Variants in LOXL2 observed in about 807,000 individuals in gnomAD.
The protein encoded by LOXL2 is lysyl oxidase homolog 2.
Under a neutral mutation model 93.0 loss-of-function variants are expected in LOXL2, and 70 were observed. The observed-to-expected ratio is 0.75, with a 90% CI of 0.62 to 0.92. The LOEUF (loss-of-function observed/expected upper bound fraction) is 0.92, where lower values mean the gene tolerates loss of function less well. Ranked by LOEUF, LOXL2 falls within the 40% of genes least tolerant of loss-of-function variation. LOXL2 has a pLI of 0.00. For missense variants in LOXL2, 973 were observed against 1,054.9 expected (o/e 0.92, Z 1.08); for synonymous variants, 438 against 413.2 (o/e 1.06, Z -0.73).
intron 1 of LOXL2, chr8:23,402,547 G>A (rs1800165695): frequency 6.6e-6 from 1 of 152,174 alleles, no homozygotes; most frequent in African/African-American, 2.4e-5. Flanking sequence ...AACTGACCAG[G>A]GAAATGAACT....
intron 1 of LOXL2, among the ~76,000 whole-genome samples, chr8:23,397,557 T>A (rs1368352980): frequency 1.3e-5 from 2 of 152,008 alleles, no homozygotes; most frequent in Non-Finnish European, 2.9e-5. Context: ...GGCGGGTGGA[T>A]CACGAGGTCA....
chr8:23,328,709 A>ATGTATGTG, intron 5 of LOXL2, 144 bp from the exon 6 acceptor site: 2 of 458,992 alleles, frequency 4.4e-6, no homozygotes, highest in East Asian at 3.8e-5. Flanking sequence ...TGATGTATGG[A>ATGTATGTG]TGTGTGTGTG....
chr8:23,304,106 C>T (rs4275230), intron 10 of LOXL2, among the ~76,000 whole-genome samples: 82,683 of 152,114 alleles, frequency 0.54, 23,342 homozygotes, highest in East Asian at 0.83. Flanking sequence ...GAGGGAGACA[C>T]TGACTCATCC....
chr8:23,378,578 A>C (rs1804627122), intron 1 of LOXL2, among the ~76,000 whole-genome samples: 1 of 152,200 alleles, frequency 6.6e-6, no homozygotes, highest in African/African-American at 2.4e-5. Flanking sequence ...CAGGTACACC[A>C]ATCAGATGTA....
intron 3 of LOXL2, among the ~76,000 whole-genome samples, chr8:23,353,391 G>C (rs921328131): frequency 6.6e-6 from 1 of 150,990 alleles, no homozygotes; most frequent in Admixed American, 6.7e-5. Context: ...TTTTAAGAAA[G>C]TTTTGAGGAT....
Position 23,380,379 on chromosome 8 carries a change from G to A in LOXL2, c.-83-11945C>T, listed in dbSNP as rs188521042. 1.5e-3 allele frequency among the ~76,000 whole-genome samples: 163 copies of A among 110,998 alleles called. 2 individuals carry two copies. In the East Asian group the frequency reaches 0.024, roughly 16 times the overall value. 72.8% of individuals were successfully genotyped at this position (110,998 alleles called of 152,430 possible). On this transcript the variant is annotated intron_variant, in intron 1 of 13. Coordinates refer to ENST00000389131, the MANE Select transcript of LOXL2 (RefSeq NM_002318.3). ...CTGCACTCCAGCCTCGTGACAGAGC[G>A]AGACTCCGTCTCAAAAAAAAAAAAA...
intron 4 of LOXL2, among the ~76,000 whole-genome samples, chr8:23,340,579 A>C (rs1803865994): frequency 6.6e-6 from 1 of 152,248 alleles, no homozygotes; most frequent in South Asian, 2.1e-4. Flanking sequence ...ATTTGCCAAG[A>C]GCAAGTAAAT....
At chr8:23,310,963 G>C (rs772570226) in intron 9 of LOXL2, among the ~76,000 whole-genome samples, 21 of 152,210 alleles carry the variant, frequency 1.4e-4, no homozygotes, top group Non-Finnish European at 2.6e-4. Context: ...AACACTTCTA[G>C]TACACAGAAA....
Position 23,332,048 on chromosome 8 carries a change from A to AG in LOXL2, c.966+1352_966+1353insC, listed in dbSNP as rs1360151426. ...GAAACTCTGTCTCAAAAAAAAAAAA[A>AG]AGAAGAAGAAGAAGAAAAGAAAAGA... On this transcript the variant is annotated intron_variant, in intron 5 of 13. Coordinates refer to ENST00000389131, the MANE Select transcript of LOXL2 (RefSeq NM_002318.3). 2.8e-5 allele frequency: 4 copies of AG among 140,962 alleles called. No homozygotes were observed. The East Asian group carries it at 8.5e-4, about 30-fold the overall frequency. The allele number at this position is 140,962 out of a possible 1,614,324, so 8.7% of individuals were successfully genotyped here. A position where few individuals can be genotyped will look rare whatever the true frequency, so the allele number is the denominator to read the frequency against.
At chr8:23,403,321 T>A (rs919973831) in intron 1 of LOXL2, among the ~76,000 whole-genome samples, 1 of 151,714 alleles carries the variant, frequency 6.6e-6, no homozygotes, top group Non-Finnish European at 1.5e-5. Context: ...GACTTGGGAG[T>A]GCATACCTGG....
At chr8:23,359,679 A>G (rs1407402691) in intron 3 of LOXL2, among the ~76,000 whole-genome samples, 1 of 152,240 alleles carries the variant, frequency 6.6e-6, no homozygotes, top group Non-Finnish European at 1.5e-5. Flanking sequence ...TTCAGCTGCA[A>G]AACCTGGGGG....
chr8:23,328,104 C>G (rs956585693), intron 6 of LOXL2, among the ~76,000 whole-genome samples: 2 of 152,058 alleles, frequency 1.3e-5, no homozygotes, highest in Non-Finnish European at 2.9e-5. Flanking sequence ...GGGAGACCTA[C>G]GGGGGAGTAT....
intron 5 of LOXL2, chr8:23,328,908 C>T (rs908507145): frequency 4.3e-5 from 9 of 210,892 alleles, no homozygotes; most frequent in Non-Finnish European, 7.6e-5. Context: ...AAGGATCCTT[C>T]CATCAGCACG....
chr8:23,341,351 C>T (rs1265697743), intron 3 of LOXL2, 148 bp from the exon 4 acceptor site: 1 of 666,498 alleles, frequency 1.5e-6, no homozygotes, highest in East Asian at 2.7e-5. Flanking sequence ...CTCTGGGCAA[C>T]CCCGAGGGGC....
intron 1 of LOXL2, among the ~76,000 whole-genome samples, chr8:23,395,927 G>A (rs191567267): frequency 2.0e-3 from 298 of 152,142 alleles, no homozygotes; most frequent in African/African-American, 7.0e-3. Context: ...CCCAACCTTG[G>A]CCTCCCAGAG....
Position 23,322,263 on chromosome 8 carries a change from A to G in LOXL2, c.1169T>C (p.Leu390Pro), listed in dbSNP as rs1238739037. The change falls in exon 7 of 14, where the codon CTC becomes CCC. Residue 390 changes from leucine (L) to proline (P), a missense_variant. Leu to Pro is a moderately conservative substitution (Grantham distance 98). Transcript: ENST00000389131. Reference sequence around the variant, plus strand: ...ATTGCCTGTGCACTGGATCTCGTTGAGGTGGATGGGTCCGATCCCTGCAAG... The same window carrying G: ...ATTGCCTGTGCACTGGATCTCGTTGGGGTGGATGGGTCCGATCCCTGCAAG... ...RLGQGIGPIH[L>P]NEIQCTGNEK... 6.2e-7 allele frequency: 1 copy of G among 1,614,148 alleles called. No homozygotes were observed. Among genetic ancestry groups the G allele is most frequent in the Non-Finnish European group, 8.5e-7 (1 of 1,179,996 alleles).
chr8:23,373,885 G>GGT (rs1804543179), intron 1 of LOXL2, among the ~76,000 whole-genome samples: 3 of 151,054 alleles, frequency 2.0e-5, no homozygotes, highest in African/African-American at 7.3e-5. Context: ...TCCCCCAAGG[G>GGT]CTTCAGAGAC....
intron 1 of LOXL2, among the ~76,000 whole-genome samples, chr8:23,400,298 G>A (rs1800139642): frequency 6.6e-6 from 1 of 152,144 alleles, no homozygotes; most frequent in Non-Finnish European, 1.5e-5. Context: ...ACATGGCTGG[G>A]GAGGCCTCAC....
intron 8 of LOXL2, among the ~76,000 whole-genome samples, chr8:23,319,328 G>C (rs1803455619): frequency 6.6e-6 from 1 of 152,208 alleles, no homozygotes. Context: ...TCTCAGCTGA[G>C]TCACTCTCTT....
Sources: allele counts gnomAD v4.1 joint callset (sites outside exome capture counted in the v4.1 genomes callset), GRCh38; gene constraint gnomAD v4.1.1; transcripts MANE v1.5; gene names NCBI Gene and HGNC (gene_info 2026-07-23, HGNC 2026-07-21).